The following EEFSEC variants were observed in gnomAD, a reference collection of about 807,000 sequenced individuals.
EEFSEC encodes the protein selenocysteine-specific elongation factor.
In EEFSEC, 43 loss-of-function variants were observed where a neutral mutation model predicts 42.1. That is an observed-to-expected ratio of 1.02 (90% confidence interval 0.80 to 1.32). The LOEUF (loss-of-function observed/expected upper bound fraction) is 1.32, where lower values mean the gene tolerates loss of function less well. Among genes scored for constraint, EEFSEC ranks in the 40% most tolerant of loss-of-function variants. EEFSEC has a pLI of 0.00. For synonymous variants in EEFSEC, 354 were observed against 339.1 expected, an observed-to-expected ratio of 1.04 and a Z score of -0.48; for missense variants, 745 against 803.6, an observed-to-expected ratio of 0.93 and a Z score of 0.88.
intron 1 of EEFSEC, among the ~76,000 whole-genome samples, chr3:128,238,589 C>A (rs2066037083): frequency 6.6e-6 from 1 of 152,184 alleles, no homozygotes; most frequent in Non-Finnish European, 1.5e-5. Flanking sequence ...CTCACTGCAG[C>A]CTCCACCTCC....
At position 128,293,049 on chromosome 3, in the gene EEFSEC, A is replaced by G. The variant is rs369480714; in HGVS notation, c.786+28268A>G. Among the ~76,000 whole-genome samples the G allele has an allele frequency of 4.5e-4, 69 of 152,330 alleles. 1 individual carries two copies. The South Asian group carries it at 0.014, about 31-fold the overall frequency. On this transcript the variant is annotated intron_variant, in intron 4 of 6. Transcript: ENST00000254730. ...TTCTCCTTTGACCCATGGGTTATTTATAAGTGTTCTTCTTACTTTGCAAAT... is the reference window on the plus strand; with the variant it reads ...TTCTCCTTTGACCCATGGGTTATTTGTAAGTGTTCTTCTTACTTTGCAAAT...
Position 128,359,203 on chromosome 3 carries a change from G to A in EEFSEC, c.1600+830G>A, listed in dbSNP as rs113921466. 5.3e-5 allele frequency among the ~76,000 whole-genome samples: 8 copies of A among 152,224 alleles called. No homozygotes were observed. In the East Asian group the frequency reaches 5.8e-4, roughly 11 times the overall value. On this transcript the variant is annotated intron_variant, in intron 6 of 6. Transcript: ENST00000254730. ...GTAGTCAGGGAGAGCATGCCACAGC[G>A]AGGGGGAAGTGAATGTTAAGGTCCT... is the stretch of plus-strand genomic sequence containing the variant.
chr3:128,257,813 G>A (rs1576585998), intron 2 of EEFSEC, among the ~76,000 whole-genome samples: 1 of 152,146 alleles, frequency 6.6e-6, no homozygotes, highest in African/African-American at 2.4e-5. Context: ...CCTCTTGAGC[G>A]TGGCCTGTGC....
chr3:128,405,235 C>A (rs2068095681), intron 6 of EEFSEC, among the ~76,000 whole-genome samples: 1 of 152,134 alleles, frequency 6.6e-6, no homozygotes, highest in Non-Finnish European at 1.5e-5. Flanking sequence ...CCAGGATGAT[C>A]TTGATCTCCT....
At chr3:128,364,472 C>A (rs1314022762) in intron 6 of EEFSEC, among the ~76,000 whole-genome samples, 1 of 152,218 alleles carries the variant, frequency 6.6e-6, no homozygotes, top group Admixed American at 6.5e-5. Context: ...TTCGCTAGAA[C>A]CCTGTGGCCA....
intron 6 of EEFSEC, among the ~76,000 whole-genome samples, chr3:128,379,743 A>G (rs1171096717): frequency 2.6e-5 from 4 of 152,234 alleles, no homozygotes; most frequent in African/African-American, 9.6e-5. Context: ...ACAAAAGGGA[A>G]ACTGAGGACT....
intron 1 of EEFSEC, among the ~76,000 whole-genome samples, chr3:128,206,698 G>C (rs1292203874): frequency 6.6e-6 from 1 of 152,206 alleles, no homozygotes; most frequent in Non-Finnish European, 1.5e-5. Context: ...GCTTATTAAC[G>C]TTGGTTGCTC....
chr3:128,309,372 G>A (rs956845550), intron 4 of EEFSEC, among the ~76,000 whole-genome samples: 1 of 152,166 alleles, frequency 6.6e-6, no homozygotes, highest in East Asian at 1.9e-4. Flanking sequence ...GCCTAGAGCA[G>A]GAAAATCAAG....
At chr3:128,395,177 G>A (rs1042035681) in intron 6 of EEFSEC, among the ~76,000 whole-genome samples, 1 of 152,222 alleles carries the variant, frequency 6.6e-6, no homozygotes, top group African/African-American at 2.4e-5. Flanking sequence ...TCAGGCGCCT[G>A]TTATCCCTGC....
intron 1 of EEFSEC, among the ~76,000 whole-genome samples, chr3:128,178,997 A>AT (rs531155156): frequency 1.0e-3 from 156 of 152,236 alleles, no homozygotes; most frequent in African/African-American, 3.7e-3. Flanking sequence ...TTTTTAGGGC[A>AT]TTTTTTTACT....
rs2065764834 is a variant in EEFSEC, at chr3:128,212,143, G to A, written c.317-34693G>A. Among the ~76,000 whole-genome samples the A allele has an allele frequency of 2.6e-5, 4 of 152,220 alleles. No homozygotes were observed. In the South Asian group the frequency reaches 8.3e-4, roughly 32 times the overall value. On this transcript the variant is annotated intron_variant, in intron 1 of 6. Coordinates refer to ENST00000254730, the MANE Select transcript of EEFSEC (RefSeq NM_021937.5). ...CCCAAAGTGCTGGCATTACAGGCGT[G>A]AGCCACTGCGCCCAGCCAGAAATAC...
intron 1 of EEFSEC, among the ~76,000 whole-genome samples, chr3:128,232,892 C>CG: frequency 6.6e-6 from 1 of 152,352 alleles, no homozygotes; most frequent in South Asian, 2.1e-4. Flanking sequence ...CATCACCCCC[C>CG]GGACTCCTTG....
At chr3:128,391,513 C>T (rs2067912730) in intron 6 of EEFSEC, among the ~76,000 whole-genome samples, 1 of 152,210 alleles carries the variant, frequency 6.6e-6, no homozygotes, top group South Asian at 2.1e-4. Flanking sequence ...GTGGTGCCCT[C>T]CAGGCCTGCT....
chr3:128,227,385 C>A (rs2065919164), intron 1 of EEFSEC, among the ~76,000 whole-genome samples: 1 of 152,114 alleles, frequency 6.6e-6, no homozygotes, highest in Non-Finnish European at 1.5e-5. Context: ...CTCGCAGGCT[C>A]TGTGACCCAG....
At chr3:128,281,528 C>A (rs1006467008) in intron 4 of EEFSEC, among the ~76,000 whole-genome samples, 1 of 152,164 alleles carries the variant, frequency 6.6e-6, no homozygotes. Flanking sequence ...CATGAAGATA[C>A]CAGCCTCTTG....
chr3:128,220,938 A>G (rs1281616640), intron 1 of EEFSEC, among the ~76,000 whole-genome samples: 1 of 152,238 alleles, frequency 6.6e-6, no homozygotes, highest in Non-Finnish European at 1.5e-5. Context: ...TATGGAGTCT[A>G]CAACACAACT....
In EEFSEC at chr3:128,264,682, C is replaced by A; in HGVS notation, c.687C>A (p.Asp229Glu). The A allele has an allele frequency of 6.2e-7, 1 of 1,614,154 alleles. No individual in the cohort carries two copies. The highest frequency in any genetic ancestry group is 1.3e-5 in the African/African-American group (1 of 75,040). The stretch of plus-strand genomic sequence containing the variant: ...CGGGACCGTTCCTCATGTCTGTGGA[C>A]CACTGTTTCTCCATCAAAGGCCAAG... ...DPSGPFLMSV[D>E]HCFSIKGQGT... Residue 229 changes from aspartate to glutamate, a missense_variant, in exon 4 of 7, where the codon GAC (aspartate) becomes GAA (glutamate). By Grantham distance (45) the Asp-to-Glu change is conservative. Coordinates refer to ENST00000254730, the MANE Select transcript of EEFSEC (RefSeq NM_021937.5).
chr3:128,327,294 C>G (rs1400051109), intron 4 of EEFSEC, among the ~76,000 whole-genome samples: 1 of 102,176 alleles, frequency 9.8e-6, no homozygotes, highest in Non-Finnish European at 1.9e-5. Context: ...TTTCCCATCC[C>G]CCCCCCCCCA....
chr3:128,425,658 C>G, the EEFSEC span, among the ~76,000 whole-genome samples: 1 of 152,234 alleles, frequency 6.6e-6, no homozygotes, highest in Non-Finnish European at 1.5e-5. Context: ...CCAGGCCAGG[C>G]GCGGTGCTCC....
Sources: allele counts gnomAD v4.1 joint callset (sites outside exome capture counted in the v4.1 genomes callset), GRCh38; gene constraint gnomAD v4.1.1; transcripts MANE v1.5; gene names NCBI Gene and HGNC (gene_info 2026-07-23, HGNC 2026-07-21).